The following BTBD3 variants were observed in gnomAD, a reference collection of about 807,000 sequenced individuals.
BTBD3 encodes BTB/POZ domain-containing protein 3.
In BTBD3, 14 loss-of-function variants were observed where a neutral mutation model predicts 41.6. That is an observed-to-expected ratio of 0.34 (90% CI 0.22 to 0.53). The LOEUF is 0.53. Among genes scored for constraint, BTBD3 ranks in the 20% least tolerant of loss-of-function variants. The pLI is 0.95. For missense variants in BTBD3, 426 were observed against 654.7 expected (o/e 0.65, Z 3.81); for synonymous variants, 249 against 233.7 (o/e 1.07, Z -0.60).
chr20:11,911,384 T>A (rs929770159), intron 1 of BTBD3, among the ~76,000 whole-genome samples: 1 of 152,210 alleles, frequency 6.6e-6, no homozygotes, highest in Non-Finnish European at 1.5e-5. Context: ...ACAGATTTTT[T>A]AAATCCTAGA....
intron 1 of BTBD3, among the ~76,000 whole-genome samples, chr20:11,892,308 A>G (rs187387044): frequency 6.6e-6 from 1 of 152,216 alleles, no homozygotes; most frequent in African/African-American, 2.4e-5. Context: ...CCCTTCTTTT[A>G]ACCCTACCTC....
At chr20:11,902,029 T>A (rs934867879) in intron 1 of BTBD3, among the ~76,000 whole-genome samples, 6 of 152,102 alleles carry the variant, frequency 3.9e-5, no homozygotes, top group Admixed American at 1.3e-4. Context: ...AAAGAGGCAC[T>A]GATGCCTGCC....
upstream of BTBD3, among the ~76,000 whole-genome samples, chr20:11,913,923 C>A (rs2056903637): frequency 6.6e-6 from 1 of 152,192 alleles, no homozygotes; most frequent in Admixed American, 6.5e-5. Context: ...TCAACTGAAA[C>A]ACACTATTAT....
In BTBD3 at chr20:11,917,958, G is replaced by A. The variant is rs965680714; in HGVS notation, c.-318G>A. On this transcript the variant is annotated 5_prime_UTR_variant, in exon 1 of 4. Transcript: ENST00000378226. ...CAGCCCATCTTGCTGACCTAATTCAGAAAAGAAGTGCTACAGCTCTGTGCC... is the reference window on the plus strand; with the variant it reads ...CAGCCCATCTTGCTGACCTAATTCAAAAAAGAAGTGCTACAGCTCTGTGCC... 4.8e-6 allele frequency: 5 copies of A among 1,047,412 alleles called. No homozygotes were observed. In the African/African-American group the frequency reaches 8.5e-5, roughly 18 times the overall value. The allele number at this position is 1,047,412 out of a possible 1,614,324, so 64.9% of individuals were successfully genotyped here. A position where few individuals can be genotyped will look rare whatever the true frequency, so the allele number is the denominator to read the frequency against.
chr20:11,901,609 G>A (rs1483905581), intron 1 of BTBD3, among the ~76,000 whole-genome samples: 1 of 152,068 alleles, frequency 6.6e-6, no homozygotes, highest in South Asian at 2.1e-4. Context: ...ATCAGCTCAC[G>A]CGTACTTGAA....
rs1365760766 is a variant in BTBD3 at position 11,926,238 on chromosome 20, T to C, written c.*2572T>C. Reference sequence around the variant, plus strand: ...GTATCTGGCTGGCAGTCTTTGTCGTTGTTCATTCTGGGGATAAAGGGGAAC... The same window carrying C: ...GTATCTGGCTGGCAGTCTTTGTCGTCGTTCATTCTGGGGATAAAGGGGAAC... On this transcript the variant is annotated 3_prime_UTR_variant, in exon 4 of 4. Transcript: ENST00000378226. The C allele has an allele frequency of 6.6e-6, 1 of 152,654 alleles. No individual in the cohort carries two copies. The highest frequency in any genetic ancestry group is 1.5e-5 in the Non-Finnish European group (1 of 68,036). 9.5% of individuals were successfully genotyped at this position (152,654 alleles called of 1,614,324 possible). A position where few individuals can be genotyped will look rare whatever the true frequency, so the allele number is the denominator to read the frequency against.
chr20:11,918,011 G>A lies in BTBD3; in HGVS notation c.-265G>A. 1.7e-6 allele frequency: 2 copies of A among 1,191,858 alleles called. No homozygotes were observed. Among genetic ancestry groups the A allele is most frequent in the Non-Finnish European group, 1.0e-6 (1 of 962,016 alleles). The allele number at this position is 1,191,858 out of a possible 1,614,324, so 73.8% of individuals were successfully genotyped here. ...TCATCTTTGCAGTGTAGCATTTTCA[G>A]GTGATCTAGGAAACAGTTATTTTTA... On this transcript the variant is annotated 5_prime_UTR_variant, in exon 1 of 4. Coordinates refer to ENST00000378226, the MANE Select transcript of BTBD3 (RefSeq NM_014962.4).
At chr20:11,919,341 T>G in intron 2 of BTBD3, 165 bp downstream of exon 2, 1 of 1,405,520 alleles carries the variant, frequency 7.1e-7, no homozygotes, top group Non-Finnish European at 9.2e-7. Context: ...CCACGCTTAA[T>G]TTTTTCTTTG....
Position 11,923,067 on chromosome 20 carries a change from A to G in BTBD3, c.970A>G (p.Thr324Ala), listed in dbSNP as rs750695150. 3 of 1,614,008 alleles carry G rather than the reference A, an allele frequency of 1.9e-6. No individual in the cohort carries two copies. Among genetic ancestry groups the G allele is most frequent in the Non-Finnish European group, 2.5e-6 (3 of 1,180,038 alleles). The change falls in exon 4 of 4, where the codon ACA becomes GCA. Residue 324 changes from threonine to alanine, a missense_variant. Coordinates refer to ENST00000378226, the MANE Select transcript of BTBD3 (RefSeq NM_014962.4). The surrounding 1 kb of genome is among the most constrained non-coding windows in gnomAD (Gnocchi z 5.3). ...GKALYLIRIP[T>A]MALDDFANGA... is the part of the protein sequence containing the mutation. Reference sequence around the variant, plus strand: ...GGCACTTTACTTGATCCGCATACCCACAATGGCCCTCGATGATTTTGCAAA... The same window carrying G: ...GGCACTTTACTTGATCCGCATACCCGCAATGGCCCTCGATGATTTTGCAAA...
chr20:11,900,071 C>T (rs996772555), intron 1 of BTBD3, among the ~76,000 whole-genome samples: 1 of 152,180 alleles, frequency 6.6e-6, no homozygotes, highest in Admixed American at 6.5e-5. Context: ...TAAGAGCATT[C>T]CCCATATTTA....
Position 11,918,426 on chromosome 20 carries a change from G to A in BTBD3, c.151G>A (p.Glu51Lys). The change falls in exon 1 of 4, where the codon GAA becomes AAA. Residue 51 changes from glutamate to lysine, a missense_variant. Coordinates refer to ENST00000378226, the MANE Select transcript of BTBD3 (RefSeq NM_014962.4). Reference protein sequence around the residue: ...NSSKLPPVCYEIITLKTKKKK... With the variant: ...NSSKLPPVCYKIITLKTKKKK... ...CAGCAAGTTGCCACCAGTTTGTTAT[G>A]AAATAATTACCTTGAAGACTAAAAA... 6.2e-7 allele frequency: 1 copy of A among 1,614,116 alleles called. No homozygotes were observed. The highest frequency in any genetic ancestry group is 8.5e-7 in the Non-Finnish European group (1 of 1,180,014).
chr20:11,923,153 T>C lies in BTBD3; in HGVS notation c.1056T>C (p.Tyr352=), dbSNP rs2056985773. The C allele has an allele frequency of 6.2e-7, 1 of 1,614,218 alleles. No individual in the cohort carries two copies. The highest frequency in any genetic ancestry group is 8.5e-7 in the Non-Finnish European group (1 of 1,180,046). The change falls in exon 4 of 4, where the codon TAT becomes TAC. Residue 352 remains tyrosine, a synonymous_variant. Transcript: ENST00000378226. The surrounding 1 kb of genome is among the most constrained non-coding windows in gnomAD (Gnocchi z 5.3). ...AGACCAACGACATCTTCCTCTGGTATACTGCAGCCAAAAAGCCTGAGCTTC... is the reference window on the plus strand; with the variant it reads ...AGACCAACGACATCTTCCTCTGGTACACTGCAGCCAAAAAGCCTGAGCTTC... The part of the protein sequence containing the change: ...LNETNDIFLW[Y]TAAKKPELQF...
At chr20:11,893,412 G>A (rs762430988) in intron 1 of BTBD3, among the ~76,000 whole-genome samples, 1 of 152,196 alleles carries the variant, frequency 6.6e-6, no homozygotes, top group Non-Finnish European at 1.5e-5. Context: ...AGGAATACTG[G>A]TGGAAACCCC....
At chr20:11,891,436 A>C (rs1367817454) in intron 1 of BTBD3, 1 of 151,410 alleles carries the variant, frequency 6.6e-6, no homozygotes, top group African/African-American at 2.4e-5. Context: ...AAGCGGAGCA[A>C]ACTTCCCCTA....
chr20:11,918,819 G>T, intron 1 of BTBD3: 1 of 580,538 alleles, frequency 1.7e-6, no homozygotes, highest in Non-Finnish European at 2.9e-6. Context: ...CAAGTGACAG[G>T]GTTGTCTATG....
At position 11,918,453 on chromosome 20, in the gene BTBD3, A is replaced by G; in HGVS notation, c.178A>G (p.Lys60Glu). 1.9e-6 allele frequency: 3 copies of G among 1,614,208 alleles called. No individual in the cohort carries two copies. Among genetic ancestry groups the G allele is most frequent in the Non-Finnish European group, 2.5e-6 (3 of 1,180,036 alleles). Residue 60 changes from lysine to glutamate, a missense_variant, in exon 1 of 4, where the codon AAG (lysine) becomes GAG (glutamate). Physicochemically the swap from Lys to Glu is moderately conservative, Grantham distance 56. This residue lies in a region of BTBD3 where 53 missense variants were observed against 74.8 expected (regional missense o/e 0.71). Transcript: ENST00000378226. ...AATAATTACCTTGAAGACTAAAAAG[A>G]AGAAGATGGCTGCTGATATATTCCC... Reference protein sequence around the residue: ...YEIITLKTKKKKMAADIFPRK... With the variant: ...YEIITLKTKKEKMAADIFPRK...
chr20:11,906,752 C>T (rs893022871), intron 1 of BTBD3, among the ~76,000 whole-genome samples: 1 of 152,092 alleles, frequency 6.6e-6, no homozygotes, highest in Non-Finnish European at 1.5e-5. Flanking sequence ...AGACATCGCC[C>T]ATCTTAGAAT....
Position 11,918,123 on chromosome 20 carries a change from A to G in BTBD3, c.-153A>G. On this transcript the variant is annotated 5_prime_UTR_variant, in exon 1 of 4. Transcript: ENST00000378226. ...AAAACTTAAAGCCAGTTTCTATTCA[A>G]CATAGTGAAAAGGTCACCTTGCCTG... is the stretch of plus-strand genomic sequence containing the variant. 2 of 1,475,362 alleles carry G rather than the reference A, an allele frequency of 1.4e-6. No individual in the cohort carries two copies. The highest frequency in any genetic ancestry group is 1.8e-6 in the Non-Finnish European group (2 of 1,124,882). 91.4% of individuals were successfully genotyped at this position (1,475,362 alleles called of 1,614,324 possible). A position where few individuals can be genotyped will look rare whatever the true frequency, so the allele number is the denominator to read the frequency against.
chr20:11,907,000 A>G (rs1049293965), intron 1 of BTBD3, among the ~76,000 whole-genome samples: 2 of 152,142 alleles, frequency 1.3e-5, no homozygotes, highest in Admixed American at 6.5e-5. Context: ...AGAATTTATC[A>G]TCCTTTCCAG....
Sources: allele counts gnomAD v4.1 joint callset (sites outside exome capture counted in the v4.1 genomes callset), GRCh38; gene constraint gnomAD v4.1.1; regional missense constraint gnomAD v4.1.1; non-coding constraint Gnocchi (gnomAD v3.1); transcripts MANE v1.5; gene names NCBI Gene and HGNC (gene_info 2026-07-23, HGNC 2026-07-21).